ATP13A4: variants seen among roughly 807,000 people sequenced by gnomAD.
The protein encoded by ATP13A4 is probable cation-transporting ATPase 13A4.
In ATP13A4, 114 loss-of-function variants were observed where a neutral mutation model predicts 142.5. The observed-to-expected ratio is 0.80, with a 90% CI of 0.69 to 0.93. The LOEUF (loss-of-function observed/expected upper bound fraction) is 0.93, where lower values mean the gene tolerates loss of function less well. Among genes scored for constraint, ATP13A4 ranks in the 40% least tolerant of loss-of-function variants. The pLI is 0.00. For missense variants in ATP13A4, 1,392 were observed against 1,454.0 expected, an observed-to-expected ratio of 0.96 and a Z score of 0.69; for synonymous variants, 488 against 514.8, an observed-to-expected ratio of 0.95 and a Z score of 0.70.
chr3:193,402,827 A>G lies in ATP13A4; in HGVS notation c.3416T>C (p.Ile1139Thr). The G allele has an allele frequency of 6.2e-7, 1 of 1,614,126 alleles. No individual in the cohort carries two copies. Among genetic ancestry groups the G allele is most frequent in the South Asian group, 1.1e-5 (1 of 91,078 alleles). The change falls in exon 30 of 30, where the codon ATT becomes ACT. Residue 1139 changes from isoleucine to threonine, a missense_variant. Coordinates refer to ENST00000342695, the MANE Select transcript of ATP13A4 (RefSeq NM_032279.4). ...VIENRALWMM[I>T]KRCFGYQSKS... ...TGACTGATAGCCGAAACATCTTTTA[A>G]TCATCATCCACAGGGCTCGATTTTC...
chr3:193,467,598 G>A, intron 9 of ATP13A4, 112 bp from the exon 10 acceptor site: 1 of 1,074,730 alleles, frequency 9.3e-7, no homozygotes. Context: ...CTACCATGTG[G>A]CAGAGACAAC....
chr3:193,423,394 A>C (rs1265934845), intron 25 of ATP13A4, among the ~76,000 whole-genome samples: 1 of 149,398 alleles, frequency 6.7e-6, no homozygotes, highest in Non-Finnish European at 1.5e-5. Flanking sequence ...ACAATAAAAA[A>C]GGGCCAATAT....
At chr3:193,552,018 G>A (rs1431260729) in intron 1 of ATP13A4, among the ~76,000 whole-genome samples, 2 of 152,226 alleles carry the variant, frequency 1.3e-5, no homozygotes, top group East Asian at 3.9e-4. Context: ...TCTGTTGCCA[G>A]GCTGGAGTGC....
intron 2 of ATP13A4, among the ~76,000 whole-genome samples, chr3:193,569,950 T>C (rs1724223478): frequency 6.6e-6 from 1 of 152,166 alleles, no homozygotes. Flanking sequence ...AATCTTTCAA[T>C]AAACCTAAAA....
In ATP13A4 at chr3:193,400,676, G is replaced by T. The variant is rs186743836; in HGVS notation, c.*1976C>A. Among the ~76,000 whole-genome samples, 75 of 151,220 alleles carry T rather than the reference G, an allele frequency of 5.0e-4. No individual in the cohort carries two copies. Among genetic ancestry groups the T allele is most frequent in the African/African-American group, 1.7e-3 (70 of 41,094 alleles). On this transcript the variant is annotated 3_prime_UTR_variant, in exon 30 of 30. Transcript: ENST00000342695. The stretch of plus-strand genomic sequence containing the variant: ...TGAATCTCAGCTTTCTCATCTGTAT[G>T]GTGGAGATGATAAGCCCTTCCTTGT...
chr3:193,525,602 T>C (rs1375541924), intron 1 of ATP13A4, among the ~76,000 whole-genome samples: 1 of 152,116 alleles, frequency 6.6e-6, no homozygotes, highest in Non-Finnish European at 1.5e-5. Context: ...TAAAGCAAAC[T>C]CTACTTCCTG....
intron 1 of ATP13A4, among the ~76,000 whole-genome samples, chr3:193,543,881 A>G (rs983374574): frequency 6.6e-6 from 1 of 152,224 alleles, no homozygotes; most frequent in Admixed American, 6.5e-5. Flanking sequence ...CTAAAATTTT[A>G]ACAAATTTAT....
chr3:193,467,827 G>A (rs191884497), intron 9 of ATP13A4, among the ~76,000 whole-genome samples: 311 of 152,216 alleles, frequency 2.0e-3, no homozygotes, highest in Admixed American at 2.7e-3. Context: ...ATAAAGGGCC[G>A]TGAGAGCTAT....
intron 26 of ATP13A4, 140 bp downstream of exon 26, chr3:193,414,439 C>A (rs1354714713): frequency 6.3e-6 from 5 of 788,718 alleles, no homozygotes; most frequent in South Asian, 1.5e-5. Flanking sequence ...AAGAAATAAT[C>A]ACTGAAAATT....
At chr3:193,566,929 C>T (rs1231808872) in intron 2 of ATP13A4, among the ~76,000 whole-genome samples, 2 of 152,166 alleles carry the variant, frequency 1.3e-5, no homozygotes, top group Non-Finnish European at 2.9e-5. Flanking sequence ...TGAATGTTTG[C>T]CATGAACCAA....
intron 1 of ATP13A4, among the ~76,000 whole-genome samples, chr3:193,582,608 T>C (rs1724575755): frequency 8.6e-6 from 1 of 115,668 alleles, no homozygotes; most frequent in Non-Finnish European, 1.7e-5. Flanking sequence ...GTATATTACA[T>C]GTATATTATA....
At chr3:193,427,312 C>T (rs941375345) in intron 25 of ATP13A4, among the ~76,000 whole-genome samples, 1 of 152,122 alleles carries the variant, frequency 6.6e-6, no homozygotes, top group Non-Finnish European at 1.5e-5. Flanking sequence ...AGGACACAAA[C>T]AAATGGAAAA....
Position 193,554,817 on chromosome 3 carries a change from C to A in ATP13A4, c.-18G>T, listed in dbSNP as rs986151077. On this transcript the variant is annotated 5_prime_UTR_variant, in exon 1 of 30. Coordinates refer to ENST00000342695, the MANE Select transcript of ATP13A4 (RefSeq NM_032279.4). ...TGTCCCATGAAAAAGTTATTCCACACCTCCTCCCTGACCTTGTCGTGCAGA... is the reference window on the plus strand; with the variant it reads ...TGTCCCATGAAAAAGTTATTCCACAACTCCTCCCTGACCTTGTCGTGCAGA... The A allele has an allele frequency of 1.1e-5, 17 of 1,613,958 alleles. No homozygotes were observed. Among genetic ancestry groups the A allele is most frequent in the Non-Finnish European group, 1.4e-5 (16 of 1,179,978 alleles).
intron 2 of ATP13A4, among the ~76,000 whole-genome samples, chr3:193,513,108 T>C (rs1352446972): frequency 6.6e-6 from 1 of 152,178 alleles, no homozygotes; most frequent in East Asian, 1.9e-4. Flanking sequence ...GGCTCACATA[T>C]CAGCTAAGCT....
chr3:193,561,073 A>C (rs369405031), intron 2 of ATP13A4, among the ~76,000 whole-genome samples: 106 of 152,294 alleles, frequency 7.0e-4, no homozygotes, highest in African/African-American at 2.0e-3. Flanking sequence ...CCTAGGAAAA[A>C]TCTGGGGCTC....
At chr3:193,513,054 T>C (rs1426208400) in intron 2 of ATP13A4, among the ~76,000 whole-genome samples, 2 of 152,250 alleles carry the variant, frequency 1.3e-5, no homozygotes, top group Non-Finnish European at 2.9e-5. Flanking sequence ...AGTAAAATTA[T>C]AGTTGAACTT....
At chr3:193,427,437 A>G (rs1277819457) in intron 25 of ATP13A4, among the ~76,000 whole-genome samples, 2 of 152,206 alleles carry the variant, frequency 1.3e-5, no homozygotes. Context: ...TCTTCATAGA[A>G]TTGGAAGAAA....
chr3:193,592,913 T>C (rs1724878723), intron 1 of ATP13A4: 1 of 168,176 alleles, frequency 5.9e-6, no homozygotes, highest in African/African-American at 2.4e-5. Flanking sequence ...TATCCAACTC[T>C]TAATAAATTC....
chr3:193,562,830 C>T (rs1316749203), intron 2 of ATP13A4, among the ~76,000 whole-genome samples: 1 of 152,100 alleles, frequency 6.6e-6, no homozygotes, highest in East Asian at 1.9e-4. Flanking sequence ...GAGATGGTGC[C>T]ACTGAACTCC....
Sources: gnomAD v4.1 joint callset for allele counts (sites outside exome capture counted in the v4.1 genomes callset) on GRCh38, gnomAD v4.1.1 for gene constraint, MANE v1.5 for transcripts, NCBI Gene and HGNC (gene_info 2026-07-23, HGNC 2026-07-21) for gene names.